R3HDM2: variants seen among roughly 807,000 people sequenced by gnomAD.
R3HDM2 encodes R3H domain containing 2.
In R3HDM2, 38 loss-of-function variants were observed where a neutral mutation model predicts 124.5. The observed-to-expected ratio is 0.31, with a 90% CI of 0.24 to 0.40. The LOEUF (loss-of-function observed/expected upper bound fraction) is 0.40, where lower values mean the gene tolerates loss of function less well. Among genes scored for constraint, R3HDM2 ranks in the 10% least tolerant of loss-of-function variants. R3HDM2 has a pLI of 1.00. For synonymous variants in R3HDM2, 391 were observed against 448.0 expected, an observed-to-expected ratio of 0.87 and a Z score of 1.61; for missense variants, 869 against 1,236.9, an observed-to-expected ratio of 0.70 and a Z score of 4.46.
intron 12 of R3HDM2, among the ~76,000 whole-genome samples, chr12:57,286,899 T>C (rs1390812920): frequency 1.3e-5 from 2 of 150,742 alleles, no homozygotes; most frequent in Non-Finnish European, 3.0e-5. Context: ...AAAAAAAAGG[T>C]CTGGAGAGGA....
intron 2 of R3HDM2, among the ~76,000 whole-genome samples, chr12:57,335,058 C>A (rs1244904885): frequency 2.0e-5 from 3 of 151,620 alleles, no homozygotes; most frequent in African/African-American, 7.3e-5. Flanking sequence ...AGGAGGATCC[C>A]TTGAGCCCAG....
At chr12:57,274,476 C>CAAACAAAACA (rs200822813) in intron 14 of R3HDM2, among the ~76,000 whole-genome samples, 12 of 152,096 alleles carry the variant, frequency 7.9e-5, no homozygotes, top group African/African-American at 2.7e-4. Context: ...GACTCCGTCT[C>CAAACAAAACA]AAACAAAACA....
At chr12:57,299,579 T>A in intron 5 of R3HDM2, 101 bp from the exon 6 acceptor site, 2 of 1,181,112 alleles carry the variant, frequency 1.7e-6, no homozygotes, top group Non-Finnish European at 2.4e-6. Flanking sequence ...GGCAGCTCTC[T>A]CTTATAGATT....
intron 2 of R3HDM2, among the ~76,000 whole-genome samples, chr12:57,363,806 A>C (rs1387742936): frequency 6.6e-6 from 1 of 151,782 alleles, no homozygotes; most frequent in East Asian, 1.9e-4. Context: ...TGAGTTCAAG[A>C]CCGTAGTGAG....
chr12:57,293,920 A>G (rs2049167204), intron 10 of R3HDM2, among the ~76,000 whole-genome samples: 1 of 152,180 alleles, frequency 6.6e-6, no homozygotes, highest in Admixed American at 6.5e-5. Context: ...AAGGAGCTAT[A>G]TTGTCCTCAG....
intron 10 of R3HDM2, 85 bp from the exon 11 acceptor site, chr12:57,292,752 A>G: frequency 1.1e-6 from 1 of 877,468 alleles, no homozygotes; most frequent in Non-Finnish European, 1.8e-6. Context: ...GAAACCGGGA[A>G]AGTTTATAGT....
chr12:57,398,769 G>A (rs754237191), intron 1 of R3HDM2, among the ~76,000 whole-genome samples: 2 of 152,142 alleles, frequency 1.3e-5, no homozygotes, highest in Non-Finnish European at 2.9e-5. Flanking sequence ...GATTAGAGGC[G>A]TGAGCCACCG....
chr12:57,299,999 T>C lies in R3HDM2; in HGVS notation c.294+96A>G, dbSNP rs931488668. On this transcript the variant is annotated intron_variant, in intron 5 of 23. Coordinates refer to ENST00000402412, the MANE Select transcript of R3HDM2 (RefSeq NM_001394031.1). ...TTTTGTTCTGAAGTACCTTCTACCC[T>C]GATTTTCAAGTCTGATGTTGCTGTG... 10 of 946,516 alleles carry C rather than the reference T, an allele frequency of 1.1e-5. No homozygotes were observed. In the African/African-American group the frequency reaches 1.5e-4, roughly 14 times the overall value. 58.6% of individuals were successfully genotyped at this position (946,516 alleles called of 1,614,324 possible). A position where few individuals can be genotyped will look rare whatever the true frequency, so the allele number is the denominator to read the frequency against.
Position 57,402,388 on chromosome 12 carries a change from G to A in R3HDM2, c.-105-6570C>T, listed in dbSNP as rs182339773. Among the ~76,000 whole-genome samples, 79 of 152,098 alleles carry A rather than the reference G, an allele frequency of 5.2e-4. 1 individual carries two copies. In the East Asian group the frequency reaches 0.013, roughly 26 times the overall value. On this transcript the variant is annotated intron_variant, in intron 1 of 23. Coordinates refer to ENST00000402412, the MANE Select transcript of R3HDM2 (RefSeq NM_001394031.1). ...TTGGAGATAAGAGTCTCACTCTGTC[G>A]CTCAGGCTGGAGTGCAGTGACGCCA...
At chr12:57,398,494 CTT>C (rs988085269) in intron 1 of R3HDM2, among the ~76,000 whole-genome samples, 5 of 145,534 alleles carry the variant, frequency 3.4e-5, no homozygotes, top group African/African-American at 5.0e-5. Flanking sequence ...CTTTCTCTCT[CTT>C]TTTTTTTTTT....
At chr12:57,327,931 G>C (rs2057536121) in intron 2 of R3HDM2, among the ~76,000 whole-genome samples, 1 of 152,180 alleles carries the variant, frequency 6.6e-6, no homozygotes, top group Non-Finnish European at 1.5e-5. Flanking sequence ...AAACTAAGTT[G>C]ATAAAGCAGT....
At chr12:57,342,525 A>G (rs1253395131) in intron 2 of R3HDM2, among the ~76,000 whole-genome samples, 1 of 151,876 alleles carries the variant, frequency 6.6e-6, no homozygotes, top group African/African-American at 2.4e-5. Flanking sequence ...CAGAGGCTGT[A>G]AGAGCACCCC....
chr12:57,327,185 G>A (rs184276232), intron 2 of R3HDM2, among the ~76,000 whole-genome samples: 1 of 152,128 alleles, frequency 6.6e-6, no homozygotes, highest in Non-Finnish European at 1.5e-5. Flanking sequence ...CATTTTGTAG[G>A]GCCAGACATG....
chr12:57,308,347 C>T (rs760645209), intron 3 of R3HDM2, among the ~76,000 whole-genome samples: 9 of 151,904 alleles, frequency 5.9e-5, no homozygotes, highest in Admixed American at 1.3e-4. Flanking sequence ...TGAGCCACTG[C>T]GCCCGGCCTG....
intron 2 of R3HDM2, among the ~76,000 whole-genome samples, chr12:57,322,347 C>T (rs2056591388): frequency 6.6e-6 from 1 of 152,158 alleles, no homozygotes; most frequent in South Asian, 2.1e-4. Context: ...GAACAAACAT[C>T]CACAGGGGTT....
intron 3 of R3HDM2, 83 bp from the exon 4 acceptor site, chr12:57,303,300 A>G: frequency 7.9e-7 from 1 of 1,263,966 alleles, no homozygotes; most frequent in Admixed American, 2.0e-5. Flanking sequence ...ATAAAGAAAA[A>G]GCACTAACTG....
At chr12:57,297,533 G>A (rs936599769) in intron 7 of R3HDM2, 146 bp from the exon 8 acceptor site, 5 of 528,700 alleles carry the variant, frequency 9.5e-6, no homozygotes, top group Non-Finnish European at 1.7e-5. Context: ...CCATAATGCT[G>A]CTAAGCCTCA....
intron 1 of R3HDM2, among the ~76,000 whole-genome samples, chr12:57,420,741 T>C (rs1240239414): frequency 6.6e-6 from 1 of 152,026 alleles, no homozygotes; most frequent in African/African-American, 2.4e-5. Flanking sequence ...CTACCAGTGT[T>C]CTCTAAGTCC....
At chr12:57,414,776 T>C (rs528013127) in intron 1 of R3HDM2, among the ~76,000 whole-genome samples, 1 of 150,944 alleles carries the variant, frequency 6.6e-6, no homozygotes, top group African/African-American at 2.4e-5. Context: ...GAGGTTGCAG[T>C]GAGCCAACAT....
Sources: gnomAD v4.1 joint callset for allele counts (sites outside exome capture counted in the v4.1 genomes callset) on GRCh38, gnomAD v4.1.1 for gene constraint, MANE v1.5 for transcripts, NCBI Gene and HGNC (gene_info 2026-07-23, HGNC 2026-07-21) for gene names.